SEMA6D: variants seen among roughly 807,000 people sequenced by gnomAD.
SEMA6D encodes the protein semaphorin 6D.
Under a neutral mutation model 106.6 loss-of-function variants are expected in SEMA6D, and 35 were observed. The observed-to-expected ratio is 0.33, with a 90% CI of 0.25 to 0.44. SEMA6D has a LOEUF of 0.44. Ranked by LOEUF, SEMA6D falls within the 20% of genes least tolerant of loss-of-function variation. The probability of loss-of-function intolerance (pLI) is 1.00; values close to 1 mark genes in which losing one functional copy is unlikely to be tolerated. For synonymous variants in SEMA6D, 499 were observed against 487.7 expected (o/e 1.02, Z -0.31); for missense variants, 1,185 against 1,345.9 (o/e 0.88, Z 1.87).
At chr15:47,307,515 A>G (rs529532015) in intron 1 of SEMA6D, among the ~76,000 whole-genome samples, 1 of 152,340 alleles carries the variant, frequency 6.6e-6, no homozygotes, top group Admixed American at 6.5e-5. Flanking sequence ...CCCAATTAAC[A>G]GATGATTTTT....
intron 3 of SEMA6D, among the ~76,000 whole-genome samples, chr15:47,550,009 T>G (rs2045634462): frequency 6.6e-6 from 1 of 152,204 alleles, no homozygotes; most frequent in East Asian, 1.9e-4. Context: ...AAATTCTCAT[T>G]AAAGAGAGAG....
intron 3 of SEMA6D, among the ~76,000 whole-genome samples, chr15:47,535,048 A>T (rs982090959): frequency 6.7e-6 from 1 of 148,856 alleles, no homozygotes; most frequent in Non-Finnish European, 1.5e-5. Flanking sequence ...AGCAGGAGGG[A>T]TGAGAGGATC....
intron 1 of SEMA6D, among the ~76,000 whole-genome samples, chr15:47,197,511 T>A (rs1479859291): frequency 6.6e-6 from 1 of 152,076 alleles, no homozygotes; most frequent in Non-Finnish European, 1.5e-5. Context: ...TGTCTTTTTT[T>A]TTTTTTGTAA....
At chr15:47,511,483 A>G (rs946348463) in intron 3 of SEMA6D, among the ~76,000 whole-genome samples, 1 of 151,976 alleles carries the variant, frequency 6.6e-6, no homozygotes, top group African/African-American at 2.4e-5. Context: ...TGGATCCCAC[A>G]TCTCCTGCTT....
intron 4 of SEMA6D, among the ~76,000 whole-genome samples, chr15:47,706,883 C>T (rs1037765673): frequency 6.6e-6 from 1 of 152,236 alleles, no homozygotes; most frequent in African/African-American, 2.4e-5. Flanking sequence ...GAACGTACTG[C>T]TACCTCAAAG....
chr15:47,681,437 G>T (rs2078350839), intron 4 of SEMA6D, among the ~76,000 whole-genome samples: 1 of 152,294 alleles, frequency 6.6e-6, no homozygotes, highest in South Asian at 2.1e-4. Flanking sequence ...GGTTTCCAGG[G>T]ACTGGGAGGA....
At chr15:47,249,736 T>G (rs1251800615) in intron 1 of SEMA6D, among the ~76,000 whole-genome samples, 1 of 152,164 alleles carries the variant, frequency 6.6e-6, no homozygotes, top group African/African-American at 2.4e-5. Context: ...ATAAAGGTCC[T>G]TAGCAAAAGG....
At chr15:47,499,504 G>A (rs925673698) in intron 3 of SEMA6D, among the ~76,000 whole-genome samples, 2 of 152,172 alleles carry the variant, frequency 1.3e-5, no homozygotes, top group South Asian at 4.1e-4. Flanking sequence ...ATTTGAATAG[G>A]ATTACTAATG....
At chr15:47,469,978 T>G (rs569211557) in intron 2 of SEMA6D, among the ~76,000 whole-genome samples, 1 of 152,178 alleles carries the variant, frequency 6.6e-6, no homozygotes, top group Non-Finnish European at 1.5e-5. Flanking sequence ...CACAGTGTCC[T>G]GCAGATGGTA....
intron 2 of SEMA6D, among the ~76,000 whole-genome samples, chr15:47,427,120 A>T (rs1261697634): frequency 6.6e-6 from 1 of 152,174 alleles, no homozygotes; most frequent in East Asian, 1.9e-4. Context: ...AGCATCATTT[A>T]ATTTCATTTA....
At chr15:47,449,854 T>C in intron 2 of SEMA6D, among the ~76,000 whole-genome samples, 1 of 152,104 alleles carries the variant, frequency 6.6e-6, no homozygotes, top group East Asian at 1.9e-4. Flanking sequence ...AAATACATAT[T>C]TATAATAAGT....
chr15:47,284,888 C>T (rs1011809006), intron 1 of SEMA6D, among the ~76,000 whole-genome samples: 1 of 152,170 alleles, frequency 6.6e-6, no homozygotes, highest in African/African-American at 2.4e-5. Context: ...TCATGCCTCA[C>T]ATGGGGCGCA....
chr15:47,298,694 A>C (rs780184845), intron 1 of SEMA6D, among the ~76,000 whole-genome samples: 2 of 152,218 alleles, frequency 1.3e-5, no homozygotes, highest in East Asian at 3.9e-4. Context: ...TTGTGTATTA[A>C]GCCTCGGTCT....
At chr15:47,321,510 A>T (rs1398213898) in intron 1 of SEMA6D, among the ~76,000 whole-genome samples, 1 of 149,908 alleles carries the variant, frequency 6.7e-6, no homozygotes, top group African/African-American at 2.4e-5. Context: ...TTCCATGAAG[A>T]AATGATATGT....
intron 1 of SEMA6D, among the ~76,000 whole-genome samples, chr15:47,408,549 T>G (rs188743099): frequency 6.6e-6 from 1 of 152,316 alleles, no homozygotes; most frequent in East Asian, 1.9e-4. Context: ...CCACTTCCAG[T>G]GCTATAACCA....
intron 1 of SEMA6D, among the ~76,000 whole-genome samples, chr15:47,212,553 C>A (rs569134840): frequency 6.6e-6 from 1 of 152,182 alleles, no homozygotes; most frequent in Non-Finnish European, 1.5e-5. Context: ...TATGGCAATT[C>A]AAGCATTTCC....
At chr15:47,490,602 G>A (rs1012745921) in intron 3 of SEMA6D, among the ~76,000 whole-genome samples, 3 of 152,246 alleles carry the variant, frequency 2.0e-5, no homozygotes, top group East Asian at 3.9e-4. Context: ...CCTAGATTGC[G>A]CCACTGCACT....
At chr15:47,520,391 T>G (rs1438016270) in intron 3 of SEMA6D, among the ~76,000 whole-genome samples, 1 of 152,070 alleles carries the variant, frequency 6.6e-6, no homozygotes, top group African/African-American at 2.4e-5. Flanking sequence ...CACAAAGTAG[T>G]GGTCTTTTTT....
intron 4 of SEMA6D, among the ~76,000 whole-genome samples, chr15:47,687,500 A>G (rs2078494892): frequency 6.6e-6 from 1 of 152,206 alleles, no homozygotes; most frequent in Non-Finnish European, 1.5e-5. Context: ...GCAGAGAAAT[A>G]GATATTCAAG....
Sources: allele counts gnomAD v4.1 joint callset (sites outside exome capture counted in the v4.1 genomes callset), GRCh38; gene constraint gnomAD v4.1.1; transcripts MANE v1.5; gene names NCBI Gene and HGNC (gene_info 2026-07-23, HGNC 2026-07-21).